Variants in WDPCP observed in about 807,000 individuals in gnomAD.
WDPCP encodes WD repeat containing planar cell polarity effector, also known as WD repeat-containing and planar cell polarity effector protein fritz homolog.
Under a neutral mutation model 93.1 loss-of-function variants are expected in WDPCP, and 71 were observed. That is an observed-to-expected ratio of 0.76 (90% confidence interval 0.63 to 0.93). The LOEUF is 0.93. WDPCP is among the 40% of genes least tolerant of loss of function. The probability of loss-of-function intolerance (pLI) is 0.00; values close to 1 mark genes in which losing one functional copy is unlikely to be tolerated. For missense variants in WDPCP, 844 were observed against 887.4 expected (o/e 0.95, Z 0.62); for synonymous variants, 315 against 315.0 (o/e 1.00, Z 0.00).
chr2:63,696,662 C>G (rs1395691630), intron 2 of WDPCP, among the ~76,000 whole-genome samples: 1 of 152,154 alleles, frequency 6.6e-6, no homozygotes, highest in Non-Finnish European at 1.5e-5. Flanking sequence ...GGCTGAGACA[C>G]CCATGGTAGC....
intron 14 of WDPCP, among the ~76,000 whole-genome samples, chr2:63,225,428 G>A (rs1678207761): frequency 6.6e-6 from 1 of 151,832 alleles, no homozygotes; most frequent in Non-Finnish European, 1.5e-5. Flanking sequence ...TATTGGCAGT[G>A]AGAACATAAA....
At chr2:63,307,704 C>T (rs572155627) in intron 13 of WDPCP, among the ~76,000 whole-genome samples, 1 of 151,768 alleles carries the variant, frequency 6.6e-6, no homozygotes, top group African/African-American at 2.4e-5. Context: ...TGAAACTGGA[C>T]CCCTTATACA....
At chr2:63,442,791 A>G (rs984189566) in intron 6 of WDPCP, 1 of 152,186 alleles carries the variant, frequency 6.6e-6, no homozygotes, top group African/African-American at 2.4e-5. Flanking sequence ...CTCTCATGAA[A>G]TAAATCTCAT....
intron 12 of WDPCP, among the ~76,000 whole-genome samples, chr2:63,360,923 G>A (rs999138647): frequency 3.9e-5 from 6 of 152,128 alleles, no homozygotes; most frequent in Admixed American, 6.5e-5. Context: ...CCTAAGTCAC[G>A]GCTCTAATTT....
At chr2:63,309,200 AT>A (rs1242777562) in intron 13 of WDPCP, among the ~76,000 whole-genome samples, 2 of 152,288 alleles carry the variant, frequency 1.3e-5, no homozygotes. Flanking sequence ...AATCCTCACC[AT>A]TACTCAGTGT....
intron 6 of WDPCP, among the ~76,000 whole-genome samples, chr2:63,456,689 T>TA (rs1197096072): frequency 1.6e-4 from 24 of 151,670 alleles, no homozygotes; most frequent in Admixed American, 7.2e-4. Context: ...CAAAATAGAC[T>TA]AAAAAAAATT....
intron 12 of WDPCP, among the ~76,000 whole-genome samples, chr2:63,329,443 A>G (rs934323311): frequency 6.6e-6 from 1 of 152,128 alleles, no homozygotes; most frequent in Non-Finnish European, 1.5e-5. Context: ...TTATACTGCA[A>G]TATAAGTGAA....
chr2:63,518,479 C>T (rs976511552), intron 1 of WDPCP: 1 of 152,418 alleles, frequency 6.6e-6, no homozygotes, highest in Non-Finnish European at 1.5e-5. Flanking sequence ...ATAATCCCCA[C>T]AGACACTTGA....
At chr2:63,513,489 T>C (rs543635084) in intron 1 of WDPCP, among the ~76,000 whole-genome samples, 1 of 152,144 alleles carries the variant, frequency 6.6e-6, no homozygotes, top group African/African-American at 2.4e-5. Context: ...AAGCAAGGTA[T>C]CTCAGACGTT....
chr2:63,529,975 G>A (rs1174278383), intron 1 of WDPCP, among the ~76,000 whole-genome samples: 1 of 152,166 alleles, frequency 6.6e-6, no homozygotes, highest in East Asian at 1.9e-4. Flanking sequence ...AGATTTTCTA[G>A]TTTATTTGTG....
intron 12 of WDPCP, among the ~76,000 whole-genome samples, chr2:63,345,783 G>C (rs1374564623): frequency 6.6e-6 from 1 of 152,084 alleles, no homozygotes; most frequent in Non-Finnish European, 1.5e-5. Flanking sequence ...TCTTGAATCT[G>C]AGCCAGCACT....
intron 6 of WDPCP, among the ~76,000 whole-genome samples, chr2:63,462,736 G>T (rs951664419): frequency 6.6e-6 from 1 of 152,048 alleles, no homozygotes; most frequent in African/African-American, 2.4e-5. Flanking sequence ...TTGGATATGG[G>T]GGGAAAGAAG....
At chr2:63,157,789 A>G (rs1672359446) in intron 15 of WDPCP, among the ~76,000 whole-genome samples, 1 of 152,080 alleles carries the variant, frequency 6.6e-6, no homozygotes, top group Non-Finnish European at 1.5e-5. Context: ...TTGTCTGACT[A>G]GAGTTTTTTC....
chr2:63,279,069 T>A (rs900078682), intron 13 of WDPCP, among the ~76,000 whole-genome samples: 1 of 152,166 alleles, frequency 6.6e-6, no homozygotes, highest in Non-Finnish European at 1.5e-5. Context: ...AAAGAATTGG[T>A]ACCAATCCTA....
At chr2:63,253,997 T>C (rs982999834) in intron 14 of WDPCP, among the ~76,000 whole-genome samples, 7 of 152,024 alleles carry the variant, frequency 4.6e-5, no homozygotes, top group Admixed American at 3.9e-4. Context: ...CCATCAATGA[T>C]GGATTGAATG....
rs148903972 is a variant in WDPCP at position 63,698,223 on chromosome 2, C to T, written n.309-47385G>A. Reference sequence around the variant, plus strand: ...TGCCACCTTGGCCTCCCAAAGTGCTCGACTTTTTTAATGAGGAAAAAATTC... The same window carrying T: ...TGCCACCTTGGCCTCCCAAAGTGCTTGACTTTTTTAATGAGGAAAAAATTC... On this transcript the variant is annotated intron_variant and non_coding_transcript_variant, in intron 2 of 4. Coordinates refer to the WDPCP transcript ENST00000467687. Among the ~76,000 whole-genome samples, 411 of 152,084 alleles carry T rather than the reference C, an allele frequency of 2.7e-3. 1 individual carries two copies. Among genetic ancestry groups the T allele is most frequent in the East Asian group, 0.023 (117 of 5,168 alleles).
chr2:63,347,777 C>T (rs1316077098), intron 12 of WDPCP, among the ~76,000 whole-genome samples: 2 of 151,090 alleles, frequency 1.3e-5, no homozygotes, highest in East Asian at 3.9e-4. Context: ...TATTGAGTCC[C>T]AGCTATGGCC....
At chr2:63,568,225 C>T (rs1707219031) in intron 1 of WDPCP, among the ~76,000 whole-genome samples, 1 of 151,866 alleles carries the variant, frequency 6.6e-6, no homozygotes, top group African/African-American at 2.4e-5. Context: ...TTAACCCAAG[C>T]AATCTAGTTC....
At chr2:63,708,929 A>G (rs894801476) in intron 2 of WDPCP, among the ~76,000 whole-genome samples, 4 of 149,298 alleles carry the variant, frequency 2.7e-5, no homozygotes, top group Non-Finnish European at 4.5e-5. Context: ...CCATTCTTAA[A>G]CAGAATGGGA....
Sources: gnomAD v4.1 joint callset for allele counts (sites outside exome capture counted in the v4.1 genomes callset) on GRCh38, gnomAD v4.1.1 for gene constraint, MANE v1.5 for transcripts, NCBI Gene and HGNC (gene_info 2026-07-23, HGNC 2026-07-21) for gene names.